BMPR1B: variants seen among roughly 807,000 people sequenced by gnomAD.
BMPR1B encodes the protein bone morphogenetic protein receptor type-1B.
A neutral mutation model predicts 59.1 loss-of-function variants in BMPR1B; 12 were observed. The ratio of observed to expected loss-of-function variants is 0.20; its 90% confidence interval spans 0.13 to 0.33. The LOEUF (loss-of-function observed/expected upper bound fraction) is 0.33. Ranked by LOEUF, BMPR1B falls within the 10% of genes least tolerant of loss-of-function variation. The pLI is 1.00. For synonymous variants in BMPR1B, 237 were observed against 207.3 expected (o/e 1.14, Z -1.23); for missense variants, 550 against 610.9 (o/e 0.90, Z 1.05).
intron 3 of BMPR1B, among the ~76,000 whole-genome samples, chr4:95,049,396 G>A (rs1052406066): frequency 3.7e-5 from 5 of 133,530 alleles, no homozygotes; most frequent in Non-Finnish European, 6.2e-5. Flanking sequence ...TTACAGGTAC[G>A]AGCCAATGTG....
intron 1 of BMPR1B, among the ~76,000 whole-genome samples, chr4:94,773,347 G>T (rs10516955): frequency 0.07 from 10,671 of 151,958 alleles, 406 homozygotes; most frequent in African/African-American, 0.1. Flanking sequence ...GGTGTTTTTG[G>T]AATTTCAGAG....
intron 3 of BMPR1B, among the ~76,000 whole-genome samples, chr4:95,037,354 C>G (rs1361236978): frequency 6.6e-6 from 1 of 152,084 alleles, no homozygotes; most frequent in Non-Finnish European, 1.5e-5. Context: ...AAAGTATTTT[C>G]CCTGGTAGAT....
intron 2 of BMPR1B, among the ~76,000 whole-genome samples, chr4:94,936,628 T>A (rs58250445): frequency 6.6e-5 from 10 of 152,016 alleles, no homozygotes; most frequent in African/African-American, 2.4e-4. Context: ...TTAAAATATT[T>A]ATCTTGATCT....
chr4:95,117,690 G>A (rs188514684), intron 6 of BMPR1B, among the ~76,000 whole-genome samples: 2 of 152,214 alleles, frequency 1.3e-5, no homozygotes, highest in East Asian at 1.9e-4. Context: ...GGAGGCTAAG[G>A]TGGGAGGATC....
intron 1 of BMPR1B, among the ~76,000 whole-genome samples, chr4:94,872,888 A>G (rs978211235): frequency 6.6e-6 from 1 of 152,214 alleles, no homozygotes; most frequent in Non-Finnish European, 1.5e-5. Context: ...GAAGTTTTAG[A>G]GTGAAGAGAT....
At chr4:95,025,354 T>C (rs1028053372) in intron 3 of BMPR1B, among the ~76,000 whole-genome samples, 3 of 152,094 alleles carry the variant, frequency 2.0e-5, no homozygotes, top group Non-Finnish European at 4.4e-5. Context: ...GTCATCTCTT[T>C]AGTTGCTTAG....
chr4:94,909,844 C>T (rs1013696356), intron 2 of BMPR1B, among the ~76,000 whole-genome samples: 1 of 151,994 alleles, frequency 6.6e-6, no homozygotes, highest in African/African-American at 2.4e-5. Flanking sequence ...ATTGTGTCTC[C>T]AGGTGGCTGT....
At position 94,956,069 on chromosome 4, in the gene BMPR1B, C is replaced by T. The variant is rs959628959; in HGVS notation, c.-112-39971C>T. ...CAAGTTATACTTTATTTTTTAAGTT[C>T]GCAATAAAATGAAAACCTTTACAAA... On this transcript the variant is annotated intron_variant, in intron 2 of 12. Coordinates refer to ENST00000515059, the MANE Select transcript of BMPR1B (RefSeq NM_001203.3). 5.9e-5 allele frequency among the ~76,000 whole-genome samples: 9 copies of T among 152,212 alleles called. No homozygotes were observed. The South Asian group carries it at 6.2e-4, about 11-fold the overall frequency.
At chr4:94,892,901 C>G (rs1409849208) in intron 2 of BMPR1B, among the ~76,000 whole-genome samples, 2 of 151,960 alleles carry the variant, frequency 1.3e-5, no homozygotes, top group African/African-American at 4.8e-5. Flanking sequence ...GGATAACGAA[C>G]TTTGGAGTTC....
At chr4:95,042,148 G>T (rs955627978) in intron 3 of BMPR1B, among the ~76,000 whole-genome samples, 4 of 152,210 alleles carry the variant, frequency 2.6e-5, no homozygotes, top group Non-Finnish European at 4.4e-5. Flanking sequence ...GAGCCACCAT[G>T]CCCAGCCAAT....
rs774760398 is a variant in BMPR1B at position 95,123,887 on chromosome 4, A to AT, written c.428dup (p.Leu144IlefsTer8). The AT allele has an allele frequency of 6.2e-7, 1 of 1,611,018 alleles. No individual in the cohort carries two copies. On this transcript the variant is annotated frameshift_variant, in exon 7 of 13. Transcript: ENST00000515059. LOFTEE classifies it high-confidence loss of function. ...CTGTAGTTTGCTCTTGGTCCTTATC[A>AT]TATTATTTTGTTACTTCCGGTAAGT...
rs567464777 is a variant in BMPR1B, at chr4:95,121,400, G to A, written c.350-2410G>A. On this transcript the variant is annotated intron_variant, in intron 6 of 12. Coordinates refer to ENST00000515059, the MANE Select transcript of BMPR1B (RefSeq NM_001203.3). ...ATGCAGTGTGAAATAAGCGCATCAC[G>A]GGGCTGTGCATTAACCCTTTGAGCA... Among the ~76,000 whole-genome samples the A allele has an allele frequency of 1.7e-4, 26 of 152,260 alleles. No homozygotes were observed. In the South Asian group the frequency reaches 4.4e-3, roughly 26 times the overall value.
At chr4:94,793,681 T>G (rs1230660932) in intron 1 of BMPR1B, among the ~76,000 whole-genome samples, 1 of 146,000 alleles carries the variant, frequency 6.8e-6, no homozygotes. Flanking sequence ...CAGCACCTGT[T>G]GTTTCCTGAC....
chr4:95,064,447 G>T (rs1215213617), intron 3 of BMPR1B, among the ~76,000 whole-genome samples: 1 of 152,084 alleles, frequency 6.6e-6, no homozygotes, highest in Admixed American at 6.6e-5. Context: ...AGAATCTAAT[G>T]CCTGATGATC....
intron 1 of BMPR1B, among the ~76,000 whole-genome samples, chr4:94,787,221 GT>G (rs1668578082): frequency 6.6e-6 from 1 of 152,076 alleles, no homozygotes; most frequent in Admixed American, 6.6e-5. Context: ...CCACGTAGAG[GT>G]TTTTTATTCC....
intron 3 of BMPR1B, among the ~76,000 whole-genome samples, chr4:95,057,955 A>G (rs1031768824): frequency 1.3e-5 from 2 of 152,226 alleles, no homozygotes; most frequent in Non-Finnish European, 2.9e-5. Flanking sequence ...TCTGAAGAGT[A>G]AATGAAGGTA....
At position 94,796,226 on chromosome 4, in the gene BMPR1B, A is replaced by G. The variant is rs571721131; in HGVS notation, c.-183+38158A>G. ...GTGATCTGTCCGCCTCAGCCTCCCA[A>G]AATGCTGGGATTACAAGTGTAAGTC... On this transcript the variant is annotated intron_variant, in intron 1 of 12. Coordinates refer to ENST00000515059, the MANE Select transcript of BMPR1B (RefSeq NM_001203.3). Among the ~76,000 whole-genome samples, 7 of 152,318 alleles carry G rather than the reference A, an allele frequency of 4.6e-5. 1 individual carries two copies. The South Asian group carries it at 1.0e-3, about 23-fold the overall frequency.
intron 1 of BMPR1B, among the ~76,000 whole-genome samples, chr4:94,866,071 G>A (rs953556847): frequency 6.6e-6 from 1 of 152,118 alleles, no homozygotes; most frequent in Non-Finnish European, 1.5e-5. Context: ...TTGTGTATTG[G>A]TGACACTATA....
At chr4:95,070,804 A>G (rs1272897442) in intron 3 of BMPR1B, among the ~76,000 whole-genome samples, 1 of 152,132 alleles carries the variant, frequency 6.6e-6, no homozygotes, top group Non-Finnish European at 1.5e-5. Flanking sequence ...AAAAAAATGT[A>G]TTGTACATTT....
Sources: gnomAD v4.1 joint callset for allele counts (sites outside exome capture counted in the v4.1 genomes callset) on GRCh38, gnomAD v4.1.1 for gene constraint, MANE v1.5 for transcripts, NCBI Gene and HGNC (gene_info 2026-07-23, HGNC 2026-07-21) for gene names.